Variants in DLG2 observed in about 807,000 individuals in gnomAD.
DLG2 encodes the protein discs large MAGUK scaffold protein 2.
DLG2 carries 45 observed loss-of-function variants against 132.5 expected under a neutral mutation model. The ratio of observed to expected loss-of-function variants is 0.34; its 90% CI spans 0.27 to 0.44. DLG2 has a LOEUF of 0.44. Ranked by LOEUF, DLG2 falls within the 20% of genes least tolerant of loss-of-function variation. The pLI is 1.00. For synonymous variants in DLG2, 424 were observed against 419.6 expected (o/e 1.01, Z -0.13); for missense variants, 1,045 against 1,196.9 (o/e 0.87, Z 1.87).
At chr11:85,355,730 AG>A (rs1199462716) in intron 3 of DLG2, among the ~76,000 whole-genome samples, 1 of 148,860 alleles carries the variant, frequency 6.7e-6, no homozygotes, top group African/African-American at 2.4e-5. Flanking sequence ...GCTCCAGCAA[AG>A]GCTGGATAAC....
At chr11:84,571,501 T>C (rs1460095550) in intron 6 of DLG2, among the ~76,000 whole-genome samples, 1 of 152,058 alleles carries the variant, frequency 6.6e-6, no homozygotes, top group Non-Finnish European at 1.5e-5. Context: ...AATGCCATGC[T>C]TGGTCTCTAC....
intron 4 of DLG2, among the ~76,000 whole-genome samples, chr11:85,203,717 C>T (rs1265335162): frequency 6.6e-6 from 1 of 152,014 alleles, no homozygotes; most frequent in African/African-American, 2.4e-5. Context: ...AGTAACAGAA[C>T]TAGACAAGGA....
intron 6 of DLG2, among the ~76,000 whole-genome samples, chr11:84,738,942 T>C: frequency 6.6e-6 from 1 of 152,126 alleles, no homozygotes; most frequent in East Asian, 1.9e-4. Context: ...GGCATGAAAC[T>C]GTGCATATTG....
intron 6 of DLG2, among the ~76,000 whole-genome samples, chr11:84,779,872 T>A (rs1295767765): frequency 6.9e-6 from 1 of 145,466 alleles, no homozygotes; most frequent in Non-Finnish European, 1.5e-5. Context: ...ATAGGATCAA[T>A]AACAAAACAA....
intron 6 of DLG2, among the ~76,000 whole-genome samples, chr11:84,623,491 G>A (rs890065971): frequency 2.6e-5 from 4 of 152,082 alleles, no homozygotes; most frequent in African/African-American, 9.7e-5. Flanking sequence ...TGAAAGTATG[G>A]CAGAGAAATA....
intron 6 of DLG2, among the ~76,000 whole-genome samples, chr11:84,605,613 G>A (rs1309324987): frequency 1.3e-5 from 2 of 148,906 alleles, no homozygotes; most frequent in Non-Finnish European, 3.0e-5. Context: ...AAAAATCCTA[G>A]AACTCTTCAC....
At chr11:85,567,022 T>C (rs1024537625) in intron 3 of DLG2, among the ~76,000 whole-genome samples, 1 of 152,192 alleles carries the variant, frequency 6.6e-6, no homozygotes, top group Non-Finnish European at 1.5e-5. Context: ...TTCTATTCCA[T>C]TGATTTATGT....
At chr11:84,433,856 C>A (rs1186099794) in intron 7 of DLG2, among the ~76,000 whole-genome samples, 3 of 152,062 alleles carry the variant, frequency 2.0e-5, no homozygotes, top group Non-Finnish European at 4.4e-5. Flanking sequence ...GTGGCTCATG[C>A]CTGTAATCCC....
intron 3 of DLG2, among the ~76,000 whole-genome samples, chr11:85,356,519 C>T (rs2083703866): frequency 6.6e-6 from 1 of 151,992 alleles, no homozygotes; most frequent in Non-Finnish European, 1.5e-5. Context: ...TGGTATAGAC[C>T]TATTATAGTG....
intron 4 of DLG2, among the ~76,000 whole-genome samples, chr11:85,173,477 T>G (rs1283090191): frequency 1.3e-5 from 2 of 152,072 alleles, no homozygotes; most frequent in African/African-American, 4.8e-5. Context: ...AAGGAAGCAC[T>G]AAATATGGAA....
intron 21 of DLG2, among the ~76,000 whole-genome samples, chr11:83,507,512 A>G (rs1008809384): frequency 1.4e-5 from 2 of 146,000 alleles, no homozygotes; most frequent in Non-Finnish European, 3.0e-5. Flanking sequence ...TATCCTCTAT[A>G]TATATATCCA....
chr11:85,510,363 G>C (rs370684060), intron 3 of DLG2, among the ~76,000 whole-genome samples: 6 of 151,698 alleles, frequency 4.0e-5, no homozygotes, highest in East Asian at 1.9e-4. Context: ...AGCCAAAATT[G>C]ACAAATGGGA....
intron 4 of DLG2, among the ~76,000 whole-genome samples, chr11:85,157,228 C>T (rs1319373915): frequency 6.6e-6 from 1 of 152,032 alleles, no homozygotes; most frequent in Non-Finnish European, 1.5e-5. Context: ...TGCAGATGGC[C>T]ATTGTGGGAC....
chr11:85,067,871 T>A (rs1273231255), intron 6 of DLG2, among the ~76,000 whole-genome samples: 2 of 152,012 alleles, frequency 1.3e-5, no homozygotes, highest in Admixed American at 6.6e-5. Context: ...TGGACCAATA[T>A]CCCTGATGAA....
At chr11:84,779,194 G>GCGCA (rs2071246149) in intron 6 of DLG2, among the ~76,000 whole-genome samples, 1 of 148,912 alleles carries the variant, frequency 6.7e-6, no homozygotes, top group South Asian at 2.1e-4. Context: ...ATATATGTGC[G>GCGCA]CACACACACA....
chr11:83,875,909 C>T (rs1419450562), intron 15 of DLG2, among the ~76,000 whole-genome samples: 1 of 152,082 alleles, frequency 6.6e-6, no homozygotes, highest in South Asian at 2.1e-4. Flanking sequence ...AATTTTGAGA[C>T]CATAGCTGAA....
intron 15 of DLG2, among the ~76,000 whole-genome samples, chr11:83,929,022 T>A (rs2079597601): frequency 6.6e-6 from 1 of 152,196 alleles, no homozygotes; most frequent in Non-Finnish European, 1.5e-5. Context: ...ATAGGTGGAC[T>A]TAATGAATAT....
intron 6 of DLG2, among the ~76,000 whole-genome samples, chr11:84,630,543 A>G (rs2099629766): frequency 6.6e-6 from 1 of 152,172 alleles, no homozygotes; most frequent in African/African-American, 2.4e-5. Context: ...TAACTATAAA[A>G]AATTTAAAAA....
chr11:85,118,468 TTAA>T (rs1189588900), intron 5 of DLG2, among the ~76,000 whole-genome samples: 3 of 152,036 alleles, frequency 2.0e-5, no homozygotes, highest in Non-Finnish European at 4.4e-5. Context: ...GCTACCCAGA[TTAA>T]CAGTAATGAG....
Sources: allele counts gnomAD v4.1 joint callset (sites outside exome capture counted in the v4.1 genomes callset), GRCh38; gene constraint gnomAD v4.1.1; transcripts MANE v1.5; gene names NCBI Gene and HGNC (gene_info 2026-07-23, HGNC 2026-07-21).